Variants in WDFY3 observed in about 807,000 individuals in gnomAD.
The protein encoded by WDFY3 is WD repeat and FYVE domain containing 3.
Under a neutral mutation model 409.6 loss-of-function variants are expected in WDFY3, and 66 were observed. The ratio of observed to expected loss-of-function variants is 0.16; its 90% CI spans 0.13 to 0.20. The LOEUF (loss-of-function observed/expected upper bound fraction) is 0.20, where lower values mean the gene tolerates loss of function less well. WDFY3 is among the 10% of genes least tolerant of loss of function. The pLI is 1.00. For missense variants in WDFY3, 3,031 were observed against 4,298.1 expected, an observed-to-expected ratio of 0.71 and a Z score of 8.24; for synonymous variants, 1,521 against 1,537.1, an observed-to-expected ratio of 0.99 and a Z score of 0.25.
At chr4:84,751,124 C>T (rs1430333511) in intron 36 of WDFY3, 2 of 303,742 alleles carry the variant, frequency 6.6e-6, no homozygotes, top group Non-Finnish European at 6.4e-6. Flanking sequence ...TGCTCATTCT[C>T]TTACGTATTG....
At chr4:84,750,650 C>T (rs1483799335) in intron 36 of WDFY3, among the ~76,000 whole-genome samples, 1 of 152,186 alleles carries the variant, frequency 6.6e-6, no homozygotes, top group East Asian at 1.9e-4. Context: ...AATGTATATG[C>T]AACTAATTAC....
Position 84,672,879 on chromosome 4 carries a change from G to A in WDFY3, c.10570C>T (p.Arg3524Ter), listed in dbSNP as rs750546095. 11 of 1,613,960 alleles carry A rather than the reference G, an allele frequency of 6.8e-6. No homozygotes were observed. Among genetic ancestry groups the A allele is most frequent in the Admixed American group, 6.7e-5 (4 of 60,002 alleles). The change falls in exon 68 of 68, where the codon CGA becomes TGA. Residue 3524 changes from arginine (R) to a stop codon, truncating the protein, a stop_gained. Transcript: ENST00000295888. LOFTEE classifies it high-confidence loss of function. ...QHERGSEDGP[R>*]NC ...AGCTTGTTGAATCTTCAACAATTTC[G>A]AGGCCCATCTTCTGAACCTCTCTCA... is the stretch of plus-strand genomic sequence containing the variant.
chr4:84,912,569 C>T (rs2150755936), intron 2 of WDFY3, among the ~76,000 whole-genome samples: 1 of 152,054 alleles, frequency 6.6e-6, no homozygotes, highest in South Asian at 2.1e-4. Context: ...TTAATGCCAG[C>T]AAAGGATGGC....
intron 4 of WDFY3, among the ~76,000 whole-genome samples, chr4:84,856,671 T>C (rs111240455): frequency 2.6e-5 from 4 of 152,210 alleles, no homozygotes; most frequent in African/African-American, 9.6e-5. Flanking sequence ...TCCCAACCCA[T>C]GTCTCTCAAA....
At chr4:84,882,839 GAGT>G in intron 3 of WDFY3, among the ~76,000 whole-genome samples, 1 of 151,826 alleles carries the variant, frequency 6.6e-6, no homozygotes, top group East Asian at 1.9e-4. Flanking sequence ...TCAGCCTCCT[GAGT>G]AGCTGGGACT....
intron 36 of WDFY3, among the ~76,000 whole-genome samples, chr4:84,749,036 GCAC>G (rs1740018371): frequency 6.6e-6 from 1 of 151,892 alleles, no homozygotes; most frequent in African/African-American, 2.4e-5. Context: ...ATACAGGCAC[GCAC>G]CACAACACTG....
Position 84,801,541 on chromosome 4 carries a change from C to T in WDFY3, c.2822+109G>A. ...TTTGTCCATTTTTGTTATATTTTGC[C>T]CATAGATAACTGAATATATGTCCAT... On this transcript the variant is annotated intron_variant, in intron 17 of 67. Transcript: ENST00000295888. 5.2e-6 allele frequency: 6 copies of T among 1,144,074 alleles called. No individual in the cohort carries two copies. The South Asian group carries it at 5.9e-5, about 11-fold the overall frequency. 70.9% of individuals were successfully genotyped at this position (1,144,074 alleles called of 1,614,324 possible).
rs149203377 is a variant in WDFY3 at position 84,877,768 on chromosome 4, T to C, written c.-31-17146A>G. ...TATGGAAGGCAAAGGTCATATCCTATTCAACTTTTTTTTCCTGAATACCTG... is the reference window on the plus strand; with the variant it reads ...TATGGAAGGCAAAGGTCATATCCTACTCAACTTTTTTTTCCTGAATACCTG... On this transcript the variant is annotated intron_variant, in intron 3 of 67. Transcript: ENST00000295888. 7.0e-4 allele frequency among the ~76,000 whole-genome samples: 106 copies of C among 152,302 alleles called. 1 individual carries two copies. Among genetic ancestry groups the C allele is most frequent in the African/African-American group, 2.5e-3 (104 of 41,570 alleles).
At chr4:84,688,461 G>A (rs550571182) in intron 61 of WDFY3, among the ~76,000 whole-genome samples, 196 bp from the exon 62 acceptor site, 3 of 152,078 alleles carry the variant, frequency 2.0e-5, no homozygotes, top group Non-Finnish European at 4.4e-5. Context: ...CTCAGCCCAC[G>A]GGGGTAGAGA....
Position 84,740,381 on chromosome 4 carries a change from T to G in WDFY3, c.6270A>C (p.Ala2090=), listed in dbSNP as rs1401387884. 3 of 1,614,150 alleles carry G rather than the reference T, an allele frequency of 1.9e-6. No individual in the cohort carries two copies. The highest frequency in any genetic ancestry group is 1.7e-6 in the Non-Finnish European group (2 of 1,180,018). ...TGGTCCTATTGAGGCAATGATACAC[T>G]GCATCCAGTGACAATCCCTGTGATC... ...KRRSQGLSLD[A]VYHCLNRTIL... Residue 2090 remains alanine (A), a synonymous_variant, in exon 39 of 68, where the codon GCA becomes GCC. Coordinates refer to ENST00000295888, the MANE Select transcript of WDFY3 (RefSeq NM_014991.6).
intron 1 of WDFY3, among the ~76,000 whole-genome samples, chr4:84,944,718 T>C (rs1772587855): frequency 6.7e-6 from 1 of 149,752 alleles, no homozygotes; most frequent in Non-Finnish European, 1.5e-5. Flanking sequence ...TGCTTGAACC[T>C]GGGAGGCAGG....
intron 2 of WDFY3, among the ~76,000 whole-genome samples, chr4:84,927,529 C>A (rs1005165175): frequency 6.6e-6 from 1 of 152,122 alleles, no homozygotes; most frequent in African/African-American, 2.4e-5. Flanking sequence ...AATGGTTTGG[C>A]TTTGTGTCCC....
Position 84,966,230 on chromosome 4 carries a change from G to C in WDFY3, c.-247C>G, listed in dbSNP as rs904755312. On this transcript the variant is annotated 5_prime_UTR_variant, in exon 1 of 68. Coordinates refer to ENST00000295888, the MANE Select transcript of WDFY3 (RefSeq NM_014991.6). Reference sequence around the variant, plus strand: ...TCACCTGAGGGCCGGCGGAGGGCGCGGGCGGGACAGGCCCAGGAGACGGGA... The same window carrying C: ...TCACCTGAGGGCCGGCGGAGGGCGCCGGCGGGACAGGCCCAGGAGACGGGA... 2 of 151,230 alleles carry C rather than the reference G, an allele frequency of 1.3e-5. No individual in the cohort carries two copies. The highest frequency in any genetic ancestry group is 2.4e-5 in the African/African-American group (1 of 41,266). The allele number at this position is 151,230 out of a possible 1,614,324, so 9.4% of individuals were successfully genotyped here.
At chr4:84,850,323 CTT>C (rs917057744) in intron 4 of WDFY3, among the ~76,000 whole-genome samples, 85 of 147,276 alleles carry the variant, frequency 5.8e-4, no homozygotes, top group African/African-American at 1.7e-3. Flanking sequence ...TATAACGTTT[CTT>C]TTTTTTTGGG....
chr4:84,706,225 A>G (rs567666909), intron 53 of WDFY3, among the ~76,000 whole-genome samples: 1 of 152,344 alleles, frequency 6.6e-6, no homozygotes, highest in East Asian at 1.9e-4. Context: ...TGTCCTTTTT[A>G]TAGGACATCC....
intron 2 of WDFY3, among the ~76,000 whole-genome samples, chr4:84,931,342 T>C (rs1005352447): frequency 6.6e-6 from 1 of 152,210 alleles, no homozygotes; most frequent in African/African-American, 2.4e-5. Flanking sequence ...AGGTATCTGA[T>C]TGAGGAATCA....
rs933707194 is a variant in WDFY3, at chr4:84,765,960, G to A, written c.5038C>T (p.His1680Tyr). Residue 1680 changes from histidine (H) to tyrosine (Y), a missense_variant, in exon 32 of 68, where the codon CAT (histidine) becomes TAT (tyrosine). His to Tyr is a moderately conservative substitution (Grantham distance 83, BLOSUM62 2). Coordinates refer to ENST00000295888, the MANE Select transcript of WDFY3 (RefSeq NM_014991.6). The part of the protein sequence containing the change: ...WIMMFMEEHL[H>Y]STTVTAAMRI... The stretch of plus-strand genomic sequence containing the variant: ...ATGGCTGCTGTAACTGTGGTGGAAT[G>A]TAAGTGTTCCTCCATAAACATCATG... The A allele has an allele frequency of 6.2e-7, 1 of 1,613,908 alleles. No individual in the cohort carries two copies. Among genetic ancestry groups the A allele is most frequent in the African/African-American group, 1.3e-5 (1 of 74,928 alleles).
intron 53 of WDFY3, among the ~76,000 whole-genome samples, chr4:84,706,630 G>T (rs948943847): frequency 1.3e-5 from 2 of 151,722 alleles, no homozygotes; most frequent in Non-Finnish European, 2.9e-5. Context: ...AGGAGAAAAA[G>T]AACAGAAGGG....
intron 40 of WDFY3, 74 bp downstream of exon 40, chr4:84,738,936 A>G: frequency 7.2e-6 from 11 of 1,520,812 alleles, no homozygotes; most frequent in Non-Finnish European, 1.0e-5. Flanking sequence ...TCTGAAGCCA[A>G]TTTGTTGGTT....
Sources: gnomAD v4.1 joint callset for allele counts (sites outside exome capture counted in the v4.1 genomes callset) on GRCh38, gnomAD v4.1.1 for gene constraint, MANE v1.5 for transcripts, NCBI Gene and HGNC (gene_info 2026-07-23, HGNC 2026-07-21) for gene names.